The following JAKMIP2 variants were observed in gnomAD, a reference collection of about 807,000 sequenced individuals.
JAKMIP2 encodes the protein janus kinase and microtubule interacting protein 2.
In JAKMIP2, 25 loss-of-function variants were observed where a neutral mutation model predicts 115.0. That is an observed-to-expected ratio of 0.22 (90% CI 0.16 to 0.30). The LOEUF is 0.30. Ranked by LOEUF, JAKMIP2 falls within the 10% of genes least tolerant of loss-of-function variation. The pLI, the probability that JAKMIP2 is intolerant of heterozygous loss-of-function variation, is 1.00. For missense variants in JAKMIP2, 642 were observed against 957.6 expected, an observed-to-expected ratio of 0.67 and a Z score of 4.35; for synonymous variants, 334 against 343.6, an observed-to-expected ratio of 0.97 and a Z score of 0.31.
intron 1 of JAKMIP2, among the ~76,000 whole-genome samples, chr5:147,744,063 CTCTT>C (rs556020885): frequency 4.8e-5 from 7 of 144,390 alleles, no homozygotes; most frequent in South Asian, 2.2e-4. Context: ...TCCTTCCTCT[CTCTT>C]TCTATTTTTC....
chr5:147,708,677 T>G (rs1318904466), intron 1 of JAKMIP2, among the ~76,000 whole-genome samples: 1 of 152,188 alleles, frequency 6.6e-6, no homozygotes, highest in Non-Finnish European at 1.5e-5. Flanking sequence ...TTTTTAAAAT[T>G]GATGTATGTT....
At chr5:147,741,376 C>T (rs1321341766) in intron 1 of JAKMIP2, among the ~76,000 whole-genome samples, 5 of 151,920 alleles carry the variant, frequency 3.3e-5, no homozygotes, top group African/African-American at 4.8e-5. Flanking sequence ...AGAGTACAAT[C>T]GTGTGGTATT....
chr5:147,732,073 T>C (rs1001875679), intron 1 of JAKMIP2, among the ~76,000 whole-genome samples: 2 of 152,216 alleles, frequency 1.3e-5, no homozygotes, highest in Non-Finnish European at 2.9e-5. Context: ...TATTGCCAAG[T>C]AGTTGCAAGG....
rs1047265702 is a variant in JAKMIP2, at chr5:147,670,833, T to A, written c.129+845A>T. ...ATTCAACAAATACATATTGAGATTT[T>A]AAGTTCTGGATATTATTTAGGCTCT... On this transcript the variant is annotated intron_variant, in intron 2 of 21. Coordinates refer to ENST00000616793, the MANE Select transcript of JAKMIP2 (RefSeq NM_001270941.2). 4.6e-5 allele frequency among the ~76,000 whole-genome samples: 7 copies of A among 152,234 alleles called. 1 individual carries two copies. The highest frequency in any genetic ancestry group is 3.3e-4 in the Admixed American group (5 of 15,286).
At chr5:147,652,825 CATTAGGTGTTTGTCCTA>C (rs1758474013) in intron 3 of JAKMIP2, among the ~76,000 whole-genome samples, 1 of 152,134 alleles carries the variant, frequency 6.6e-6, no homozygotes, top group Non-Finnish European at 1.5e-5. Context: ...GCCCCGCATG[CATTAGGTGTTTGTCCTA>C]ATGCTCTCCC....
intron 13 of JAKMIP2, among the ~76,000 whole-genome samples, chr5:147,632,338 TG>T (rs1344853154): frequency 1.3e-5 from 2 of 152,186 alleles, no homozygotes; most frequent in East Asian, 1.9e-4. Context: ...AGGATGGACA[TG>T]AGTATTTAAA....
chr5:147,717,643 T>C (rs1486248889), intron 1 of JAKMIP2, among the ~76,000 whole-genome samples: 1 of 151,184 alleles, frequency 6.6e-6, no homozygotes, highest in Non-Finnish European at 1.5e-5. Context: ...TTTGGCTCTC[T>C]GTTTGTCTGT....
In JAKMIP2 at chr5:147,623,668, C is replaced by T; in HGVS notation, c.2017G>A (p.Ala673Thr). 6.2e-7 allele frequency: 1 copy of T among 1,611,890 alleles called. No homozygotes were observed. The highest frequency in any genetic ancestry group is 8.5e-7 in the Non-Finnish European group (1 of 1,177,996). The change falls in exon 17 of 22, where the codon GCT becomes ACT. Residue 673 changes from alanine (A) to threonine (T), a missense_variant. By Grantham distance (58) the Ala-to-Thr change is moderately conservative. Coordinates refer to ENST00000616793, the MANE Select transcript of JAKMIP2 (RefSeq NM_001270941.2). ...ATTTTCTGGTGTAGGGCAGCCTCAG[C>T]TCCTTCAATCTGCTGGATCCACTAA... ...AEKWIQQIEG[A>T]EAALHQKMME...
At chr5:147,680,530 C>T (rs1392069499) in intron 1 of JAKMIP2, among the ~76,000 whole-genome samples, 1 of 152,204 alleles carries the variant, frequency 6.6e-6, no homozygotes, top group Non-Finnish European at 1.5e-5. Flanking sequence ...TGCTTCAACC[C>T]TTCTCTATAA....
intron 18 of JAKMIP2, among the ~76,000 whole-genome samples, chr5:147,620,096 T>C (rs1175482632): frequency 6.6e-6 from 1 of 152,120 alleles, no homozygotes; most frequent in Non-Finnish European, 1.5e-5. Context: ...TTAATTGTTT[T>C]TGTTTTATTT....
chr5:147,762,493 C>T lies in JAKMIP2; in HGVS notation c.-149+19963G>A, dbSNP rs546928012. 4.7e-4 allele frequency among the ~76,000 whole-genome samples: 72 copies of T among 152,040 alleles called. 1 individual carries two copies. Among genetic ancestry groups the T allele is most frequent in the African/African-American group, 1.6e-3 (68 of 41,484 alleles). ...CCAAAGTGTTGGAAGGTTTAGATTC[C>T]CCTGATGTCTTTCTCCTTGCCTTTC... On this transcript the variant is annotated intron_variant, in intron 1 of 21. Coordinates refer to ENST00000616793, the MANE Select transcript of JAKMIP2 (RefSeq NM_001270941.2).
intron 1 of JAKMIP2, among the ~76,000 whole-genome samples, chr5:147,681,231 C>A (rs1326175838): frequency 6.6e-6 from 1 of 152,132 alleles, no homozygotes; most frequent in Admixed American, 6.5e-5. Context: ...AGACATCCAG[C>A]CTCTTTAAGG....
intron 2 of JAKMIP2, among the ~76,000 whole-genome samples, chr5:147,664,095 T>C (rs1238350454): frequency 6.6e-6 from 1 of 152,238 alleles, no homozygotes; most frequent in Admixed American, 6.5e-5. Context: ...TACAACTGAT[T>C]CTGTTTCTTT....
intron 1 of JAKMIP2, among the ~76,000 whole-genome samples, chr5:147,672,777 G>C (rs2126809463): frequency 6.6e-6 from 1 of 152,268 alleles, no homozygotes; most frequent in East Asian, 1.9e-4. Context: ...GGAGAAACAG[G>C]TGAAGCATCC....
intron 18 of JAKMIP2, 152 bp from the exon 19 acceptor site, chr5:147,618,266 T>C (rs1160649136): frequency 1.6e-6 from 1 of 637,972 alleles, no homozygotes; most frequent in African/African-American, 1.8e-5. Flanking sequence ...TCTAGCCTAA[T>C]TACACTTCTG....
chr5:147,768,631 C>G (rs1174909407), intron 1 of JAKMIP2, among the ~76,000 whole-genome samples: 3 of 152,016 alleles, frequency 2.0e-5, no homozygotes, highest in Admixed American at 2.0e-4. Context: ...TTTGGTCAGA[C>G]AGTATTAAAA....
chr5:147,651,532 C>T (rs954782316), intron 3 of JAKMIP2, among the ~76,000 whole-genome samples: 1 of 152,074 alleles, frequency 6.6e-6, no homozygotes, highest in African/African-American at 2.4e-5. Flanking sequence ...TTAATACAAA[C>T]AACATTACGC....
At chr5:147,737,247 A>G (rs1162373220) in intron 1 of JAKMIP2, among the ~76,000 whole-genome samples, 1 of 152,232 alleles carries the variant, frequency 6.6e-6, no homozygotes, top group Non-Finnish European at 1.5e-5. Flanking sequence ...TAGTCTTGTT[A>G]TAACTCTGCT....
intron 1 of JAKMIP2, among the ~76,000 whole-genome samples, chr5:147,719,619 T>A (rs1448896950): frequency 6.6e-6 from 1 of 152,048 alleles, no homozygotes; most frequent in African/African-American, 2.4e-5. Flanking sequence ...TCTTTGTCTC[T>A]TTTGATCTTT....
Sources: allele counts gnomAD v4.1 joint callset (sites outside exome capture counted in the v4.1 genomes callset), GRCh38; gene constraint gnomAD v4.1.1; transcripts MANE v1.5; gene names NCBI Gene and HGNC (gene_info 2026-07-23, HGNC 2026-07-21).